ATM: variants seen among roughly 807,000 people sequenced by gnomAD.
ATM encodes ATM serine/threonine kinase.
Under a neutral mutation model 387.0 loss-of-function variants are expected in ATM, and 308 were observed. That is an observed-to-expected ratio of 0.80 (90% CI 0.73 to 0.87). ATM has a LOEUF of 0.87. Among genes scored for constraint, ATM ranks in the 40% least tolerant of loss-of-function variants. ATM has a pLI of 0.00. For synonymous variants in ATM, 1,156 were observed against 1,187.3 expected (o/e 0.97, Z 0.54); for missense variants, 3,312 against 3,560.9 (o/e 0.93, Z 1.78).
chr11:108,258,546 T>A (rs184163076), intron 15 of ATM, among the ~76,000 whole-genome samples: 1 of 152,206 alleles, frequency 6.6e-6, no homozygotes, highest in East Asian at 1.9e-4. Flanking sequence ...TAATCTTTGT[T>A]TTTATCTGCA....
intron 50 of ATM, 95 bp downstream of exon 50, chr11:108,330,516 C>G: frequency 7.8e-7 from 1 of 1,277,304 alleles, no homozygotes; most frequent in Non-Finnish European, 1.1e-6. Context: ...CTTTGTATTC[C>G]TAGCACTTGG....
At position 108,325,425 on chromosome 11, in the gene ATM, A is replaced by G; in HGVS notation, c.6688A>G (p.Ile2230Val). 1 of 1,613,858 alleles carries G rather than the reference A, an allele frequency of 6.2e-7. No individual in the cohort carries two copies. The highest frequency in any genetic ancestry group is 8.5e-7 in the Non-Finnish European group (1 of 1,179,872). The change falls in exon 46 of 63, where the codon ATT (isoleucine) becomes GTT (valine). Residue 2230 changes from isoleucine to valine, a missense_variant. Physicochemically the swap from Ile to Val is conservative, Grantham distance 29 (BLOSUM62 3). Coordinates refer to ENST00000675843, the MANE Select transcript of ATM (RefSeq NM_000051.4). ...QEPIMALRTV[I>V]LEILMEKEMD... ...GCCTATCATGGCTCTACGCACAGTCATTTTGGAGATCCTGATGGAAAAGGA... is the reference window on the plus strand; with the variant it reads ...GCCTATCATGGCTCTACGCACAGTCGTTTTGGAGATCCTGATGGAAAAGGA...
In ATM at chr11:108,258,636, A is replaced by G. The variant is rs1357920774; in HGVS notation, c.2377-350A>G. Among the ~76,000 whole-genome samples the G allele has an allele frequency of 6.6e-6, 1 of 152,172 alleles. No individual in the cohort carries two copies. On this transcript the variant is annotated intron_variant, in intron 15 of 62. Coordinates refer to ENST00000675843, the MANE Select transcript of ATM (RefSeq NM_000051.4). ...ATATTTCAAACCTAGTATTAGGTAC[A>G]TGGCCATATAGCAATATTATCAACA...
intron 57 of ATM, among the ~76,000 whole-genome samples, chr11:108,345,242 GA>G (rs999100932): frequency 6.6e-6 from 1 of 152,216 alleles, no homozygotes; most frequent in African/African-American, 2.4e-5. Flanking sequence ...AACAGATTTA[GA>G]AATCATCAGC....
chr11:108,256,663 C>A lies in ATM; in HGVS notation c.2250+323C>A, dbSNP rs56090312. Among the ~76,000 whole-genome samples the A allele has an allele frequency of 2.0e-5, 3 of 152,092 alleles. No homozygotes were observed. In the East Asian group the frequency reaches 5.8e-4, roughly 29 times the overall value. On this transcript the variant is annotated intron_variant, in intron 14 of 62. Coordinates refer to ENST00000675843, the MANE Select transcript of ATM (RefSeq NM_000051.4). ...GGTACTTCTCCTAATGTTATCCCTC[C>A]CCTAGCCCCCGACCCCCTGTCAGGC...
At chr11:108,232,584 A>G (rs6589014) in intron 4 of ATM, among the ~76,000 whole-genome samples, 141,342 of 141,342 alleles carry the variant, frequency 1, 70,671 homozygotes, top group Non-Finnish European at 1. Context: ...TTGTTGCCTA[A>G]GCTGGAGTGC....
In ATM at chr11:108,353,791, C is replaced by G. The variant is rs1333079704; in HGVS notation, c.8697C>G (p.Ile2899Met). 2 of 1,614,042 alleles carry G rather than the reference C, an allele frequency of 1.2e-6. No homozygotes were observed. The highest frequency in any genetic ancestry group is 8.5e-7 in the Non-Finnish European group (1 of 1,179,954). ...DLGVAFEQGKILPTPETVPFR... is the reference protein window; with the variant it reads ...DLGVAFEQGKMLPTPETVPFR... ...GTGTTGCTTTTGAACAGGGCAAAAT[C>G]CTTCCTACTCCTGAGACAGTTCCTT... Residue 2899 changes from isoleucine to methionine, a missense_variant, in exon 60 of 63, where the codon ATC (isoleucine) becomes ATG (methionine). This residue lies in a region of ATM where 1,405 missense variants were observed against 1,604.4 expected (regional missense o/e 0.88). Coordinates refer to ENST00000675843, the MANE Select transcript of ATM (RefSeq NM_000051.4).
At chr11:108,287,502 C>T (rs2082551790) in intron 26 of ATM, 98 bp from the exon 27 acceptor site, 2 of 730,236 alleles carry the variant, frequency 2.7e-6, no homozygotes, top group South Asian at 1.9e-5. Flanking sequence ...TTACAGTCAT[C>T]GAATACTTTT....
chr11:108,325,228 G>GT, intron 45 of ATM, 82 bp from the exon 46 acceptor site: 3 of 942,004 alleles, frequency 3.2e-6, no homozygotes, highest in Non-Finnish European at 4.8e-6. Flanking sequence ...ATATTATATC[G>GT]TAAGTTCCAG....
At chr11:108,265,168 T>C (rs2081153519) in intron 16 of ATM, among the ~76,000 whole-genome samples, 2 of 151,710 alleles carry the variant, frequency 1.3e-5, no homozygotes, top group African/African-American at 4.9e-5. Context: ...AGAGCCCGCA[T>C]CGGCAAGTCA....
chr11:108,267,456 CT>C (rs1250082500), intron 17 of ATM, 114 bp downstream of exon 17: 2 of 877,782 alleles, frequency 2.3e-6, no homozygotes, highest in East Asian at 2.6e-5. Flanking sequence ...TTAGTATAGC[CT>C]TTTAGGATTG....
intron 55 of ATM, chr11:108,335,317 G>A (rs1459975394): frequency 3.5e-6 from 5 of 1,445,430 alleles, no homozygotes; most frequent in Admixed American, 2.2e-5. Flanking sequence ...TTATTATATG[G>A]TTGATTCAAG....
At chr11:108,314,467 T>A (rs1373762879) in intron 40 of ATM, among the ~76,000 whole-genome samples, 4 of 147,514 alleles carry the variant, frequency 2.7e-5, no homozygotes, top group Non-Finnish European at 3.0e-5. Context: ...TTTTTTTTTT[T>A]ATGTGATATA....
intron 17 of ATM, 86 bp from the exon 18 acceptor site, chr11:108,268,323 TG>T: frequency 8.0e-7 from 1 of 1,253,086 alleles, no homozygotes. Flanking sequence ...TACTTTTTTT[TG>T]TGAAGAGGAG....
At chr11:108,321,796 A>G (rs1252898740) in intron 45 of ATM, among the ~76,000 whole-genome samples, 1 of 152,174 alleles carries the variant, frequency 6.6e-6, no homozygotes. Context: ...CAAAAAAAAA[A>G]AAAACTATGT....
At chr11:108,233,372 C>A (rs1003114760) in intron 4 of ATM, among the ~76,000 whole-genome samples, 2 of 151,958 alleles carry the variant, frequency 1.3e-5, no homozygotes, top group African/African-American at 4.8e-5. Flanking sequence ...GATTTTGAGA[C>A]CAGCCTGGGT....
At position 108,257,462 on chromosome 11, in the gene ATM, TTC is replaced by T; in HGVS notation, c.2251-18_2251-17del. ...ATAATTTTAACTGGAATTTGCATTT[TTC>T]CTTCTATTCACAATAGTCTCTAATG... On this transcript the variant is annotated splice_polypyrimidine_tract_variant and intron_variant, in intron 14 of 62. Transcript: ENST00000675843. The T allele has an allele frequency of 6.2e-7, 1 of 1,611,156 alleles. No individual in the cohort carries two copies. The highest frequency in any genetic ancestry group is 8.5e-7 in the Non-Finnish European group (1 of 1,179,434).
In ATM at chr11:108,268,420, T is replaced by G. The variant is rs1555083093; in HGVS notation, c.2649T>G (p.Asn883Lys). 6.2e-7 allele frequency: 1 copy of G among 1,613,724 alleles called. No individual in the cohort carries two copies. The highest frequency in any genetic ancestry group is 1.7e-4 in the Middle Eastern group (1 of 6,058). ...GESQSTIGAI[N>K]PLAEEYLSKQ... ...GCTTTTTATTTTTAGGTGCCATTAA[T>G]CCTTTAGCTGAAGAATATCTGTCAA... The change falls in exon 18 of 63, where the codon AAT becomes AAG. Residue 883 changes from asparagine (N) to lysine (K), a missense_variant. This residue lies in a region of ATM where 1,791 missense variants were observed against 1,804.5 expected (regional missense o/e 0.99). Coordinates refer to ENST00000675843, the MANE Select transcript of ATM (RefSeq NM_000051.4).
intron 26 of ATM, among the ~76,000 whole-genome samples, chr11:108,286,600 A>G (rs1279416716): frequency 3.9e-5 from 6 of 152,054 alleles, no homozygotes; most frequent in African/African-American, 1.2e-4. Context: ...GGTACTTTCA[A>G]TTTCTTATCT....
Sources: allele counts gnomAD v4.1 joint callset (sites outside exome capture counted in the v4.1 genomes callset), GRCh38; gene constraint gnomAD v4.1.1; regional missense constraint gnomAD v4.1.1; transcripts MANE v1.5; gene names NCBI Gene and HGNC (gene_info 2026-07-23, HGNC 2026-07-21).